ERLIN1: variants seen among roughly 807,000 people sequenced by gnomAD.
ERLIN1 encodes erlin-1.
ERLIN1 carries 24 observed loss-of-function variants against 46.9 expected under a neutral mutation model. The ratio of observed to expected loss-of-function variants is 0.51; its 90% CI spans 0.37 to 0.72. The LOEUF is 0.72. Ranked by LOEUF, ERLIN1 falls within the 30% of genes least tolerant of loss-of-function variation. The pLI is 0.00. For synonymous variants in ERLIN1, 158 were observed against 143.2 expected (o/e 1.10, Z -0.74); for missense variants, 293 against 417.9 (o/e 0.70, Z 2.61).
rs377363754 is a variant in ERLIN1 at position 100,175,941 on chromosome 10, T to C, written c.430+4A>G. The stretch of plus-strand genomic sequence containing the variant: ...TTTACATACATAAGAATTAAGACAC[T>C]TACCAAACAATTCAATGTAAACTTC... On this transcript the variant is annotated splice_donor_region_variant and intron_variant, in intron 5 of 10. Transcript: ENST00000421367. 6.2e-7 allele frequency: 1 copy of C among 1,612,778 alleles called. No homozygotes were observed.
intron 8 of ERLIN1, among the ~76,000 whole-genome samples, chr10:100,161,928 G>A (rs552507187): frequency 6.6e-6 from 1 of 152,116 alleles, no homozygotes; most frequent in African/African-American, 2.4e-5. Flanking sequence ...AATTCTAGAT[G>A]GGCTAAAGAC....
chr10:100,163,378 TA>T (rs10706601), intron 8 of ERLIN1, among the ~76,000 whole-genome samples: 1,548 of 142,698 alleles, frequency 0.011, 29 homozygotes, highest in African/African-American at 0.038. Context: ...ATTTTTTTCT[TA>T]AAAAAAAAAA....
At position 100,183,744 on chromosome 10, in the gene ERLIN1, G is replaced by T. The variant is rs199657565; in HGVS notation, c.195+12C>A. 1.3e-6 allele frequency: 2 copies of T among 1,590,930 alleles called. No homozygotes were observed. The highest frequency in any genetic ancestry group is 1.7e-6 in the Non-Finnish European group (2 of 1,161,490). On this transcript the variant is annotated intron_variant, in intron 2 of 10. Coordinates refer to ENST00000421367, the MANE Select transcript of ERLIN1 (RefSeq NM_006459.4). ...CTATCTGGTATGGAGGCTTCCCCTA[G>T]GAATCACTCACCTGCACAGATCTGA...
Position 100,152,365 on chromosome 10 carries a change from A to C in ERLIN1, c.826-13T>G. 1 of 1,484,896 alleles carries C rather than the reference A, an allele frequency of 6.7e-7. No homozygotes were observed. The allele number at this position is 1,484,896 out of a possible 1,614,324, so 92.0% of individuals were successfully genotyped here. On this transcript the variant is annotated splice_polypyrimidine_tract_variant and intron_variant, in intron 10 of 10. Coordinates refer to ENST00000421367, the MANE Select transcript of ERLIN1 (RefSeq NM_006459.4). ...GGGTCAACTTGTGCTGTGTGGGAGC[A>C]AACAAGAGCAAAGGCATCAGAATAC...
chr10:100,161,527 C>A (rs751273192), intron 8 of ERLIN1, among the ~76,000 whole-genome samples: 1 of 152,060 alleles, frequency 6.6e-6, no homozygotes, highest in African/African-American at 2.4e-5. Context: ...AAAATCCCAA[C>A]ACAATATTTC....
intron 9 of ERLIN1, 75 bp from the exon 10 acceptor site, chr10:100,155,014 A>T: frequency 8.4e-7 from 1 of 1,193,276 alleles, no homozygotes; most frequent in Non-Finnish European, 1.2e-6. Flanking sequence ...ACTGCTTAAT[A>T]TTGTGACTGC....
intron 8 of ERLIN1, among the ~76,000 whole-genome samples, chr10:100,159,590 A>G (rs941265243): frequency 6.6e-6 from 1 of 151,470 alleles, no homozygotes; most frequent in Non-Finnish European, 1.5e-5. Context: ...ACTACAATGT[A>G]GTAACACTGG....
intron 6 of ERLIN1, 33 bp from the exon 7 acceptor site, chr10:100,167,439 T>G: frequency 6.4e-7 from 1 of 1,556,104 alleles, no homozygotes; most frequent in African/African-American, 1.4e-5. Flanking sequence ...CCAAAGTATA[T>G]TTGAAAGATA....
intron 3 of ERLIN1, among the ~76,000 whole-genome samples, chr10:100,178,877 A>T (rs1589553398): frequency 6.6e-6 from 1 of 152,140 alleles, no homozygotes; most frequent in East Asian, 1.9e-4. Flanking sequence ...TTTTTGGTCA[A>T]TTTCACTATG....
intron 1 of ERLIN1, among the ~76,000 whole-genome samples, chr10:100,184,584 A>T (rs1445111843): frequency 3.3e-5 from 5 of 152,342 alleles, no homozygotes; most frequent in Admixed American, 3.3e-4. Context: ...AATAACAAGG[A>T]AAGATGAACT....
intron 4 of ERLIN1, among the ~76,000 whole-genome samples, chr10:100,176,861 G>A (rs376934292): frequency 1.3e-5 from 2 of 152,304 alleles, no homozygotes. Flanking sequence ...GGTGGCTCAT[G>A]CCTGTAATCC....
rs1844947400 is a variant in ERLIN1, at chr10:100,185,888, G to C, written c.-262C>G. The C allele has an allele frequency of 1.9e-6, 1 of 517,516 alleles. No individual in the cohort carries two copies. The highest frequency in any genetic ancestry group is 3.4e-6 in the Non-Finnish European group (1 of 291,868). 32.1% of individuals were successfully genotyped at this position (517,516 alleles called of 1,614,324 possible). A position where few individuals can be genotyped will look rare whatever the true frequency, so the allele number is the denominator to read the frequency against. On this transcript the variant is annotated 5_prime_UTR_variant, in exon 1 of 11. Coordinates refer to ENST00000421367, the MANE Select transcript of ERLIN1 (RefSeq NM_006459.4). ...CTCCCTCTCCCAAGGGTCGCTCCCG[G>C]GTGGAAGGCACTAACTGAGAAGAAG...
intron 4 of ERLIN1, among the ~76,000 whole-genome samples, chr10:100,176,740 T>C (rs1036067735): frequency 6.6e-6 from 1 of 152,180 alleles, no homozygotes; most frequent in Non-Finnish European, 1.5e-5. Flanking sequence ...CTGTTCTTTA[T>C]CTACAAAAAC....
At chr10:100,171,009 G>A (rs536981907) in intron 6 of ERLIN1, among the ~76,000 whole-genome samples, 19 of 152,344 alleles carry the variant, frequency 1.2e-4, no homozygotes, top group African/African-American at 4.6e-4. Context: ...TTGAGGGGAT[G>A]GAGCTGAAGG....
intron 3 of ERLIN1, 149 bp from the exon 4 acceptor site, chr10:100,178,343 C>G (rs1194149046): frequency 1.7e-6 from 1 of 571,872 alleles, no homozygotes; most frequent in Non-Finnish European, 3.1e-6. Flanking sequence ...GCATTTCTGT[C>G]CCTCTATAGA....
chr10:100,155,814 A>G (rs1843053939), intron 9 of ERLIN1, among the ~76,000 whole-genome samples: 1 of 152,164 alleles, frequency 6.6e-6, no homozygotes, highest in African/African-American at 2.4e-5. Flanking sequence ...GCGCCCGGCC[A>G]GAGATGGGGT....
At chr10:100,169,540 C>T (rs1260709465) in intron 6 of ERLIN1, among the ~76,000 whole-genome samples, 2 of 149,888 alleles carry the variant, frequency 1.3e-5, no homozygotes, top group Non-Finnish European at 3.0e-5. Context: ...AAATAGTAAC[C>T]CAAAAATTAC....
intron 8 of ERLIN1, among the ~76,000 whole-genome samples, chr10:100,156,834 G>A (rs921831419): frequency 6.6e-6 from 1 of 151,912 alleles, no homozygotes; most frequent in Non-Finnish European, 1.5e-5. Context: ...GCAACACAGT[G>A]AGACCTCCAT....
intron 8 of ERLIN1, among the ~76,000 whole-genome samples, chr10:100,159,829 C>T (rs542754761): frequency 1.4e-5 from 2 of 147,218 alleles, no homozygotes; most frequent in Non-Finnish European, 1.5e-5. Context: ...TTAAACTTAA[C>T]TATCCAACTC....
Sources: gnomAD v4.1 joint callset for allele counts (sites outside exome capture counted in the v4.1 genomes callset) on GRCh38, gnomAD v4.1.1 for gene constraint, MANE v1.5 for transcripts, NCBI Gene and HGNC (gene_info 2026-07-23, HGNC 2026-07-21) for gene names.